Variants in ANKRD36B observed in about 807,000 individuals in gnomAD.
ANKRD36B encodes the protein ankyrin repeat domain-containing protein 36B.
Under a neutral mutation model 135.7 loss-of-function variants are expected in ANKRD36B, and 37 were observed. That is an observed-to-expected ratio of 0.27 (90% confidence interval 0.21 to 0.36). ANKRD36B has a LOEUF of 0.36. ANKRD36B is among the 10% of genes least tolerant of loss of function. The pLI is 1.00. For synonymous variants in ANKRD36B, 179 were observed against 348.1 expected (o/e 0.51, Z 5.41); for missense variants, 549 against 1,037.1 (o/e 0.53, Z 6.46).
chr2:97,549,638 A>G lies in ANKRD36B; in HGVS notation c.1376-24T>C. On this transcript the variant is annotated intron_variant, in intron 18 of 43. Transcript: ENST00000359901. ...CACTGAAAAGCAAAAGGGATTCATA[A>G]TCACTCATATGTAAATATGACAAAG... 1.9e-6 allele frequency: 3 copies of G among 1,607,206 alleles called. 1 individual carries two copies. Among genetic ancestry groups the G allele is most frequent in the Non-Finnish European group, 1.7e-6 (2 of 1,177,620 alleles).
intron 6 of ANKRD36B, among the ~76,000 whole-genome samples, chr2:97,567,563 G>C (rs956916889): frequency 6.6e-6 from 1 of 152,040 alleles, no homozygotes; most frequent in Non-Finnish European, 1.5e-5. Context: ...TGGGGTTGAA[G>C]ACCAAATATA....
intron 22 of ANKRD36B, 134 bp from the exon 23 acceptor site, chr2:97,545,995 TCTGGGGA>T: frequency 1.1e-6 from 1 of 874,472 alleles, no homozygotes; most frequent in Non-Finnish European, 1.9e-6. Context: ...CTACTTTGTG[TCTGGGGA>T]CAAGAACATG....
Position 97,526,604 on chromosome 2 carries a change from C to T in ANKRD36B, c.2266-3137G>A, listed in dbSNP as rs1314732182. Among the ~76,000 whole-genome samples the T allele has an allele frequency of 9.3e-5, 9 of 97,150 alleles. 3 individuals are homozygous for T. Among genetic ancestry groups the T allele is most frequent in the African/African-American group, 2.8e-4 (9 of 32,380 alleles). 63.7% of individuals were successfully genotyped at this position (97,150 alleles called of 152,430 possible). ...GAAGGCTTCAGATGATCAAACTACT[C>T]TGAGCTACAGGAGGAAATTCAAACC... On this transcript the variant is annotated intron_variant, in intron 35 of 43. Transcript: ENST00000359901.
chr2:97,549,569 A>T lies in ANKRD36B; in HGVS notation c.1404+17T>A. 1.2e-6 allele frequency: 2 copies of T among 1,609,004 alleles called. No homozygotes were observed. Among genetic ancestry groups the T allele is most frequent in the South Asian group, 2.2e-5 (2 of 90,930 alleles). ...CATACATTAACTAGTTCACAATATA[A>T]ATGAGAGTTTCATTACCTTCAAGGC... On this transcript the variant is annotated intron_variant, in intron 19 of 43. Coordinates refer to ENST00000359901, the MANE Select transcript of ANKRD36B (RefSeq NM_001393939.1).
At chr2:97,558,913 G>A (rs1438186701) in intron 9 of ANKRD36B, 42 bp from the exon 10 acceptor site, 2 of 1,608,194 alleles carry the variant, frequency 1.2e-6, no homozygotes, top group African/African-American at 1.3e-5. Flanking sequence ...TGTAAAGTAG[G>A]TTTCATAGAC....
chr2:97,508,911 C>G (rs1341041985), intron 40 of ANKRD36B, among the ~76,000 whole-genome samples: 1 of 109,160 alleles, frequency 9.2e-6, no homozygotes, highest in African/African-American at 2.5e-5. Flanking sequence ...TTCTATAACC[C>G]CCTTTTTAGT....
At position 97,576,356 on chromosome 2, in the gene ANKRD36B, T is replaced by C. The variant is rs1348143719; in HGVS notation, c.763+23A>G. ...TTATCTATGGTAGTACCATCAAGAG[T>C]AATTCACTATCAGAAATCTCACCTG... On this transcript the variant is annotated intron_variant, in intron 6 of 43. Transcript: ENST00000359901. 8 of 1,142,718 alleles carry C rather than the reference T, an allele frequency of 7.0e-6. No individual in the cohort carries two copies. In the African/African-American group the frequency reaches 1.3e-4, roughly 18 times the overall value. 70.8% of individuals were successfully genotyped at this position (1,142,718 alleles called of 1,614,324 possible).
rs1310866278 is a variant in ANKRD36B, at chr2:97,547,724, A to T, written c.1485T>A (p.Phe495Leu). The change falls in exon 21 of 44, where the codon TTT becomes TTA. Residue 495 changes from phenylalanine to leucine, a missense_variant. Phe to Leu is a conservative substitution (Grantham distance 22). Coordinates refer to ENST00000359901, the MANE Select transcript of ANKRD36B (RefSeq NM_001393939.1). ...KDGEKSRTVSFEQPPGLKATR... is the reference protein window; with the variant it reads ...KDGEKSRTVSLEQPPGLKATR... ...TTACCTTCAAGCCTGGTGGTTGCTC[A>T]AAAGACACTGAAAAGTAAAAGGGAT... The T allele has an allele frequency of 4.5e-6, 7 of 1,558,856 alleles. No individual in the cohort carries two copies. The African/African-American group carries it at 8.2e-5, about 18-fold the overall frequency.
At chr2:97,556,659 A>G (rs143345322) in intron 12 of ANKRD36B, among the ~76,000 whole-genome samples, 1 of 151,814 alleles carries the variant, frequency 6.6e-6, no homozygotes. Flanking sequence ...GAAATAAGAG[A>G]AAAATTATGC....
In ANKRD36B at chr2:97,555,146, G is replaced by A. The variant is rs1438752929; in HGVS notation, c.1099-14C>T. The A allele has an allele frequency of 1.2e-6, 2 of 1,611,610 alleles. No homozygotes were observed. Among genetic ancestry groups the A allele is most frequent in the Non-Finnish European group, 8.5e-7 (1 of 1,178,630 alleles). On this transcript the variant is annotated splice_polypyrimidine_tract_variant and intron_variant, in intron 13 of 43. Transcript: ENST00000359901. ...GTCACTTGCAGTCTGAAAGTAATTT[G>A]AAGCAAATTATCAATAAAGAAAGTA...
chr2:97,570,721 C>T (rs563600021), intron 6 of ANKRD36B, among the ~76,000 whole-genome samples: 6 of 152,302 alleles, frequency 3.9e-5, no homozygotes, highest in African/African-American at 1.4e-4. Context: ...CCAAGACTTG[C>T]CACATGCCCC....
chr2:97,554,972 G>T, intron 14 of ANKRD36B, 88 bp downstream of exon 14: 1 of 1,490,620 alleles, frequency 6.7e-7, no homozygotes, highest in South Asian at 1.2e-5. Flanking sequence ...GTGCAGCTTT[G>T]ATGAGCCCCC....
intron 6 of ANKRD36B, among the ~76,000 whole-genome samples, chr2:97,573,732 C>G (rs1182031177): frequency 6.6e-6 from 1 of 152,126 alleles, no homozygotes; most frequent in Non-Finnish European, 1.5e-5. Flanking sequence ...AGAAATAATG[C>G]TGCATGTCTA....
intron 10 of ANKRD36B, among the ~76,000 whole-genome samples, chr2:97,558,500 T>A (rs1334889947): frequency 5.9e-5 from 9 of 152,006 alleles, no homozygotes; most frequent in African/African-American, 1.7e-4. Context: ...TTCTCCTTCC[T>A]CCCTTGGTGA....
At chr2:97,569,728 T>C (rs1230040787) in intron 6 of ANKRD36B, among the ~76,000 whole-genome samples, 2 of 152,294 alleles carry the variant, frequency 1.3e-5, no homozygotes, top group Admixed American at 1.3e-4. Context: ...TAAAATAAAG[T>C]TGTTAATTTT....
chr2:97,554,614 A>G (rs1184396931), intron 14 of ANKRD36B, among the ~76,000 whole-genome samples: 1 of 151,914 alleles, frequency 6.6e-6, no homozygotes, highest in Non-Finnish European at 1.5e-5. Context: ...TCCTTGAGGA[A>G]AATAATTGCT....
At chr2:97,559,097 C>T in intron 8 of ANKRD36B, 103 bp from the exon 9 acceptor site, 3 of 1,478,690 alleles carry the variant, frequency 2.0e-6, no homozygotes, top group Non-Finnish European at 1.8e-6. Flanking sequence ...CCTGCCTGTA[C>T]TAGTGTAGGC....
At chr2:97,563,676 C>G (rs554666453) in intron 6 of ANKRD36B, among the ~76,000 whole-genome samples, 1 of 152,204 alleles carries the variant, frequency 6.6e-6, no homozygotes, top group African/African-American at 2.4e-5. Context: ...CTCTGAAAAG[C>G]ACACACTGGA....
At chr2:97,496,419 T>C (rs1171065309) in intron 43 of ANKRD36B, among the ~76,000 whole-genome samples, 2 of 71,714 alleles carry the variant, frequency 2.8e-5, no homozygotes, top group East Asian at 2.6e-4. Context: ...CTAGCTAAGA[T>C]CATTGATGAG....
Sources: gnomAD v4.1 joint callset for allele counts (sites outside exome capture counted in the v4.1 genomes callset) on GRCh38, gnomAD v4.1.1 for gene constraint, MANE v1.5 for transcripts, NCBI Gene and HGNC (gene_info 2026-07-23, HGNC 2026-07-21) for gene names.